The following BMERB1 variants were observed in gnomAD, a reference collection of about 807,000 sequenced individuals.
BMERB1 encodes bMERB domain-containing protein 1.
A neutral mutation model predicts 23.6 loss-of-function variants in BMERB1; 12 were observed. That is an observed-to-expected ratio of 0.51 (90% confidence interval 0.33 to 0.82). The LOEUF is 0.82. Among genes scored for constraint, BMERB1 ranks in the 40% least tolerant of loss-of-function variants. The probability of loss-of-function intolerance (pLI) is 0.03; values close to 1 mark genes in which losing one functional copy is unlikely to be tolerated. For synonymous variants in BMERB1, 122 were observed against 96.6 expected (o/e 1.26, Z -1.54); for missense variants, 247 against 255.4 (o/e 0.97, Z 0.22).
intron 1 of BMERB1, among the ~76,000 whole-genome samples, chr16:15,463,043 A>G (rs1253519024): frequency 6.6e-6 from 1 of 152,048 alleles, no homozygotes; most frequent in East Asian, 1.9e-4. Context: ...TGCAGCAAAA[A>G]TGATCTGTCA....
intron 4 of BMERB1, among the ~76,000 whole-genome samples, chr16:15,582,151 G>A (rs1431713927): frequency 1.3e-5 from 2 of 152,188 alleles, no homozygotes; most frequent in Middle Eastern, 3.4e-3. Context: ...TAATCCCAGC[G>A]CTTCTGGGAG....
chr16:15,472,287 G>C (rs2051235503), intron 1 of BMERB1, among the ~76,000 whole-genome samples: 1 of 152,206 alleles, frequency 6.6e-6, no homozygotes. Flanking sequence ...ATGTTATGCA[G>C]TTATTCTATA....
chr16:15,448,037 C>G (rs1246022951), intron 1 of BMERB1: 6 of 396,822 alleles, frequency 1.5e-5, no homozygotes, highest in Non-Finnish European at 2.5e-5. Flanking sequence ...TTACAGGTAC[C>G]CGCCACCATG....
chr16:15,458,717 CAAAAA>C (rs1162694311), intron 1 of BMERB1, among the ~76,000 whole-genome samples: 3 of 80,310 alleles, frequency 3.7e-5, no homozygotes, highest in African/African-American at 4.5e-5. Context: ...ACCGTGTGTC[CAAAAA>C]AAAAAAAAAA....
At chr16:15,580,739 G>T (rs1440108023) in intron 3 of BMERB1, among the ~76,000 whole-genome samples, 1 of 151,432 alleles carries the variant, frequency 6.6e-6, no homozygotes, top group African/African-American at 2.4e-5. Context: ...TAGAGACGGG[G>T]TTCCACCCTG....
chr16:15,563,958 G>A (rs953652271), intron 2 of BMERB1, among the ~76,000 whole-genome samples: 1 of 152,118 alleles, frequency 6.6e-6, no homozygotes, highest in Non-Finnish European at 1.5e-5. Context: ...GGAGGTGGGG[G>A]TGAGTGAGTT....
At chr16:15,467,579 T>C (rs2051191182) in intron 1 of BMERB1, among the ~76,000 whole-genome samples, 2 of 152,202 alleles carry the variant, frequency 1.3e-5, no homozygotes, top group Admixed American at 1.3e-4. Context: ...AAGAGTTCTT[T>C]ATGTATTCTA....
At chr16:15,491,753 G>A (rs569692725) in intron 1 of BMERB1, among the ~76,000 whole-genome samples, 1 of 152,184 alleles carries the variant, frequency 6.6e-6, no homozygotes, top group South Asian at 2.1e-4. Context: ...CGTCTTCCCA[G>A]GCCAGCTTCT....
At chr16:15,529,202 T>C (rs1252897840) in intron 2 of BMERB1, among the ~76,000 whole-genome samples, 1 of 152,028 alleles carries the variant, frequency 6.6e-6, no homozygotes, top group Non-Finnish European at 1.5e-5. Flanking sequence ...CTTTTTTGTA[T>C]TTATTGGTAG....
rs1234560458 is a variant in BMERB1 at position 15,563,466 on chromosome 16, A to G, written c.231-4517A>G. On this transcript the variant is annotated intron_variant, in intron 2 of 5. Transcript: ENST00000300006. ...GATCTCCTGACCTCGTGATCTGCCC[A>G]CCTCGGCCTCCCAAAGTGCTGGGAT... 4.6e-5 allele frequency among the ~76,000 whole-genome samples: 7 copies of G among 151,930 alleles called. No homozygotes were observed. In the Middle Eastern group the frequency reaches 0.014, roughly 297 times the overall value.
At chr16:15,548,216 C>G (rs962926329) in intron 2 of BMERB1, among the ~76,000 whole-genome samples, 11 of 152,134 alleles carry the variant, frequency 7.2e-5, no homozygotes, top group South Asian at 2.1e-4. Context: ...AACCCCTGAT[C>G]TCAAGTGATC....
chr16:15,515,559 T>A, intron 2 of BMERB1, 131 bp downstream of exon 2: 1 of 1,282,748 alleles, frequency 7.8e-7, no homozygotes, highest in South Asian at 1.7e-5. Flanking sequence ...AAAGCCTCAT[T>A]TGATTCTCAC....
At chr16:15,478,058 G>A (rs1323507952) in intron 1 of BMERB1, among the ~76,000 whole-genome samples, 1 of 152,088 alleles carries the variant, frequency 6.6e-6, no homozygotes, top group Non-Finnish European at 1.5e-5. Flanking sequence ...CAAATGCATT[G>A]ACCTTTTCCT....
intron 1 of BMERB1, among the ~76,000 whole-genome samples, chr16:15,511,147 C>T (rs796626645): frequency 6.6e-6 from 1 of 152,110 alleles, no homozygotes; most frequent in Non-Finnish European, 1.5e-5. Flanking sequence ...TGAAGCATAA[C>T]CAGATGGCCC....
intron 1 of BMERB1, among the ~76,000 whole-genome samples, chr16:15,501,133 T>TTCTTTTTA (rs1198725987): frequency 1.3e-5 from 2 of 151,990 alleles, no homozygotes; most frequent in Non-Finnish European, 1.5e-5. Context: ...TCTCGCCCAT[T>TTCTTTTTA]TCTTTTTATC....
intron 2 of BMERB1, among the ~76,000 whole-genome samples, chr16:15,558,681 G>C (rs778902471): frequency 1.6e-4 from 25 of 151,752 alleles, no homozygotes; most frequent in Middle Eastern, 3.4e-3. Context: ...GTACCATAAT[G>C]ACATATAGTG....
intron 1 of BMERB1, among the ~76,000 whole-genome samples, chr16:15,501,997 C>T (rs1015024226): frequency 2.0e-5 from 3 of 152,104 alleles, no homozygotes; most frequent in Non-Finnish European, 2.9e-5. Flanking sequence ...TCAATTGGAC[C>T]GCACTGATCT....
intron 2 of BMERB1, among the ~76,000 whole-genome samples, chr16:15,565,976 C>A (rs565213451): frequency 6.6e-6 from 1 of 152,172 alleles, no homozygotes; most frequent in Non-Finnish European, 1.5e-5. Context: ...CACAGTGATT[C>A]CACTTCTGAG....
At chr16:15,525,951 T>C (rs2051901147) in intron 2 of BMERB1, among the ~76,000 whole-genome samples, 1 of 152,122 alleles carries the variant, frequency 6.6e-6, no homozygotes, top group African/African-American at 2.4e-5. Context: ...GATGAACAGG[T>C]GATTATAACC....
Sources: allele counts gnomAD v4.1 joint callset (sites outside exome capture counted in the v4.1 genomes callset), GRCh38; gene constraint gnomAD v4.1.1; transcripts MANE v1.5; gene names NCBI Gene and HGNC (gene_info 2026-07-23, HGNC 2026-07-21).